The following TTN variants were observed in gnomAD, a reference collection of about 807,000 sequenced individuals.
TTN encodes the protein titin.
In TTN, 1,525 loss-of-function variants were observed where a neutral mutation model predicts 3,223.0. The ratio of observed to expected loss-of-function variants is 0.47; its 90% CI spans 0.45 to 0.49. The LOEUF is 0.49. Among genes scored for constraint, TTN ranks in the 20% least tolerant of loss-of-function variants. The probability of loss-of-function intolerance (pLI) is 0.00; values close to 1 mark genes in which losing one functional copy is unlikely to be tolerated. For missense variants in TTN, 40,786 were observed against 43,424.0 expected, an observed-to-expected ratio of 0.94 and a Z score of 5.40; for synonymous variants, 14,094 against 15,161.0, an observed-to-expected ratio of 0.93 and a Z score of 5.17.
At chr2:178,749,389 C>A (rs759739112) in intron 47 of TTN, 5 of 1,613,084 alleles carry the variant, frequency 3.1e-6, no homozygotes, top group Admixed American at 1.7e-5. Flanking sequence ...AAGCACCATG[C>A]ACAAATCTGG....
At chr2:178,549,543 T>A in intron 338 of TTN, 27 bp downstream of exon 338, 1 of 1,603,486 alleles carries the variant, frequency 6.2e-7, no homozygotes, top group Non-Finnish European at 8.5e-7. Flanking sequence ...TTTGACATAG[T>A]ACCGCTTAGT....
In TTN at chr2:178,802,173, C is replaced by A; in HGVS notation, c.260G>T (p.Gly87Val). The A allele has an allele frequency of 1.2e-6, 2 of 1,614,096 alleles. No individual in the cohort carries two copies. The highest frequency in any genetic ancestry group is 1.7e-6 in the Non-Finnish European group (2 of 1,179,944). ...AAGCTCAGCAGTACTAGTCGCTTGT[C>A]CAGATCCATTGGTGGCTTTCAGGGA... The part of the protein sequence containing the change: ...RYSLKATNGS[G>V]QATSTAELLV... The change falls in exon 3 of 363, where the codon GGA becomes GTA. Residue 87 changes from glycine to valine, a missense_variant. Physicochemically the swap from Gly to Val is moderately radical, Grantham distance 109. Coordinates refer to ENST00000589042, the MANE Select transcript of TTN (RefSeq NM_001267550.2).
At position 178,587,109 on chromosome 2, in the gene TTN, A is replaced by G. The variant is rs750120832; in HGVS notation, c.64093+9T>C. 6.2e-7 allele frequency: 1 copy of G among 1,613,046 alleles called. No homozygotes were observed. Among genetic ancestry groups the G allele is most frequent in the Admixed American group, 1.7e-5 (1 of 59,980 alleles). On this transcript the variant is annotated intron_variant, in intron 307 of 362. Coordinates refer to ENST00000589042, the MANE Select transcript of TTN (RefSeq NM_001267550.2). The stretch of plus-strand genomic sequence containing the variant: ...GGGGTTAAAAGGAGGAAGAAAGCAT[A>G]ATACTTACTTAGAGGATCTGATGCA...
Position 178,800,474 on chromosome 2 carries a change from A to G in TTN, c.504T>C (p.Pro168=). 1 of 1,614,144 alleles carries G rather than the reference A, an allele frequency of 6.2e-7. No homozygotes were observed. Among genetic ancestry groups the G allele is most frequent in the Non-Finnish European group, 8.5e-7 (1 of 1,180,008 alleles). The change falls in exon 4 of 363, where the codon CCT becomes CCC. Residue 168 remains proline, a synonymous_variant. Coordinates refer to ENST00000589042, the MANE Select transcript of TTN (RefSeq NM_001267550.2). Reference sequence around the variant, plus strand: ...TTACTGAATAGGTCCCTGAGTCCTCAGGGTATGCTTCTGCAATCAGTAAGC... The same window carrying G: ...TTACTGAATAGGTCCCTGAGTCCTCGGGGTATGCTTCTGCAATCAGTAAGC... ...LYSLLIAEAY[P]EDSGTYSVNA...
chr2:178,700,024 A>T (rs1269849473), intron 111 of TTN, among the ~76,000 whole-genome samples: 1 of 152,130 alleles, frequency 6.6e-6, no homozygotes, highest in Non-Finnish European at 1.5e-5. Flanking sequence ...CTCTTTTTTA[A>T]TTTTTAAAAC....
In TTN at chr2:178,549,092, G is replaced by A. The variant is rs776489830; in HGVS notation, c.92534C>T (p.Pro30845Leu). ...TATTTCCATGCCACCATCAAACACTGGTTTGGACCATTCTAAGCTCACAGT... is the reference window on the plus strand; with the variant it reads ...TATTTCCATGCCACCATCAAACACTAGTTTGGACCATTCTAAGCTCACAGT... ...KTTVSLEWSKPVFDGGMEIIG... is the reference protein window; with the variant it reads ...KTTVSLEWSKLVFDGGMEIIG... The change falls in exon 339 of 363, where the codon CCA becomes CTA. Residue 30845 changes from proline (P) to leucine (L), a missense_variant. Pro to Leu is a moderately conservative substitution (Grantham distance 98). Coordinates refer to ENST00000589042, the MANE Select transcript of TTN (RefSeq NM_001267550.2). The A allele has an allele frequency of 3.1e-6, 5 of 1,613,738 alleles. No homozygotes were observed. The highest frequency in any genetic ancestry group is 4.2e-6 in the Non-Finnish European group (5 of 1,179,842).
At chr2:178,617,646 T>G (rs1386031731) in intron 253 of TTN, 133 bp downstream of exon 253, 6 of 1,417,116 alleles carry the variant, frequency 4.2e-6, no homozygotes, top group African/African-American at 1.5e-5. Context: ...CAGTCTGGGT[T>G]TCTAAAACTT....
chr2:178,576,268 T>C lies in TTN; in HGVS notation c.69864A>G (p.Ile23288Met), dbSNP rs368867993. Residue 23288 changes from isoleucine (I) to methionine (M), a missense_variant, in exon 326 of 363, where the codon ATA (isoleucine) becomes ATG (methionine). By Grantham distance (10) the Ile-to-Met change is conservative. Transcript: ENST00000589042. The surrounding 1 kb of genome is among the most constrained non-coding windows in gnomAD (Gnocchi z 4.3). ...TGAGGGCGGTTCCTGTGGTATCTTT[T>C]ATCCAGGCCTCGTCTCCTACTTTTT... is the stretch of plus-strand genomic sequence containing the variant. ...EHQKVGDEAW[I>M]KDTTGTALRI... The C allele has an allele frequency of 1.0e-4, 161 of 1,609,282 alleles. No homozygotes were observed. Among genetic ancestry groups the C allele is most frequent in the Middle Eastern group, 8.3e-4 (5 of 6,026 alleles).
Position 178,575,348 on chromosome 2 carries a change from A to G in TTN, c.70784T>C (p.Leu23595Pro), listed in dbSNP as rs886055249. 5 of 1,613,446 alleles carry G rather than the reference A, an allele frequency of 3.1e-6. No homozygotes were observed. The highest frequency in any genetic ancestry group is 4.2e-6 in the Non-Finnish European group (5 of 1,179,674). ...GAAGGTATATTCCTCTCCTTCAGTT[A>G]GATTCCTCACAACACATTCTAACCC... ...VKGLECVVRN[L>P]TEGEEYTFQV... is the part of the protein sequence containing the mutation. The change falls in exon 326 of 363, where the codon CTA becomes CCA. Residue 23595 changes from leucine (L) to proline (P), a missense_variant. Physicochemically the swap from Leu to Pro is moderately conservative, Grantham distance 98. Transcript: ENST00000589042. This position sits in a 1 kb window ranked among gnomAD's most constrained non-coding sequence, Gnocchi z 4.0.
chr2:178,784,444 T>C, intron 15 of TTN, 93 bp from the exon 16 acceptor site: 2 of 1,498,786 alleles, frequency 1.3e-6, no homozygotes, highest in Non-Finnish European at 1.8e-6. Flanking sequence ...TTCTATAAGG[T>C]CTGTTCTTTA....
chr2:178,546,604 T>A lies in TTN; in HGVS notation c.94824A>T (p.Glu31608Asp). The change falls in exon 341 of 363, where the codon GAA becomes GAT. Residue 31608 changes from glutamate (E) to aspartate (D), a missense_variant. Transcript: ENST00000589042. ...ESTGPVTCRD[E>D]YAPPKAELDA... Reference sequence around the variant, plus strand: ...AGAATGTTGACTATTTCCTACCGTATTCATCTCGGCAAGTGACAGGGCCTG... The same window carrying A: ...AGAATGTTGACTATTTCCTACCGTAATCATCTCGGCAAGTGACAGGGCCTG... 1 of 1,608,210 alleles carries A rather than the reference T, an allele frequency of 6.2e-7. No individual in the cohort carries two copies.
chr2:178,685,644 A>T, intron 127 of TTN, 46 bp from the exon 128 acceptor site: 1 of 1,577,134 alleles, frequency 6.3e-7, no homozygotes, highest in Non-Finnish European at 8.7e-7. Flanking sequence ...AGTGTTTTTC[A>T]TGTTTATTTT....
At chr2:178,747,433 G>A in intron 47 of TTN, 1 of 1,613,248 alleles carries the variant, frequency 6.2e-7, no homozygotes, top group Non-Finnish European at 8.5e-7. Context: ...ATGATGGTGG[G>A]GTATAAAACT....
chr2:178,591,378 C>T lies in TTN; in HGVS notation c.60347G>A (p.Gly20116Glu). Reference sequence around the variant, plus strand: ...GTGCTCATCGGTTTTAATCTCACTCCCATCGGTTGTCCACTTTGCAGTAGG... The same window carrying T: ...GTGCTCATCGGTTTTAATCTCACTCTCATCGGTTGTCCACTTTGCAGTAGG... ...PVPTAKWTTDGSEIKTDEHYT... is the reference protein window; with the variant it reads ...PVPTAKWTTDESEIKTDEHYT... Residue 20116 changes from glycine to glutamate, a missense_variant, in exon 304 of 363, where the codon GGG becomes GAG. Coordinates refer to ENST00000589042, the MANE Select transcript of TTN (RefSeq NM_001267550.2). 1.2e-6 allele frequency: 2 copies of T among 1,613,180 alleles called. No individual in the cohort carries two copies. Among genetic ancestry groups the T allele is most frequent in the East Asian group, 2.2e-5 (1 of 44,818 alleles).
rs368527534 is a variant in TTN at position 178,614,664 on chromosome 2, C to T, written c.48850G>A (p.Gly16284Arg). ...CAAGTTATTTTAGGTTCAGGTTTTC[C>T]GGTTACGGTGGCAGGAAGTTCAATC... ...TKIELPATVT[G>R]KPEPKITWTK... Residue 16284 changes from glycine to arginine, a missense_variant, in exon 261 of 363, where the codon GGA becomes AGA. Coordinates refer to ENST00000589042, the MANE Select transcript of TTN (RefSeq NM_001267550.2). The T allele has an allele frequency of 4.0e-5, 65 of 1,612,238 alleles. 1 individual carries two copies. The highest frequency in any genetic ancestry group is 1.2e-4 in the South Asian group (11 of 91,030).
chr2:178,626,150 T>G (rs2059013103), intron 240 of TTN, among the ~76,000 whole-genome samples: 1 of 152,014 alleles, frequency 6.6e-6, no homozygotes, highest in African/African-American at 2.4e-5. Context: ...ATGTTCTGTA[T>G]GTAAGGTGTT....
rs774609456 is a variant in TTN, at chr2:178,585,333, G to A, written c.64411C>T (p.Leu21471Phe). The change falls in exon 309 of 363, where the codon CTT becomes TTT. Residue 21471 changes from leucine (L) to phenylalanine (F), a missense_variant. Leu to Phe is a conservative substitution (Grantham distance 22). Coordinates refer to ENST00000589042, the MANE Select transcript of TTN (RefSeq NM_001267550.2). The part of the protein sequence containing the change: ...AKEQLLPPKI[L>F]MPEQITIKAG... ...TTGATAGTTATTTGCTCTGGCATAA[G>A]GATCTTTGGTGGCACTGAAAGTAAA... The A allele has an allele frequency of 8.2e-6, 13 of 1,582,262 alleles. No individual in the cohort carries two copies. In the Admixed American group the frequency reaches 2.4e-4, roughly 30 times the overall value.
rs764632613 is a variant in TTN at position 178,579,914 on chromosome 2, A to G, written c.67348+25T>C. Reference sequence around the variant, plus strand: ...CAAAGGAAGGATATAACTCAAAATGATGGGATGATGGTTCATTTGCTTACG... The same window carrying G: ...CAAAGGAAGGATATAACTCAAAATGGTGGGATGATGGTTCATTTGCTTACG... On this transcript the variant is annotated intron_variant, in intron 318 of 362. Transcript: ENST00000589042. 1.9e-6 allele frequency: 3 copies of G among 1,612,522 alleles called. No individual in the cohort carries two copies. The Admixed American group carries it at 5.0e-5, about 27-fold the overall frequency.
At position 178,620,406 on chromosome 2, in the gene TTN, A is replaced by G; in HGVS notation, c.46115T>C (p.Ile15372Thr). The G allele has an allele frequency of 6.2e-7, 1 of 1,612,238 alleles. No individual in the cohort carries two copies. Among genetic ancestry groups the G allele is most frequent in the Admixed American group, 1.7e-5 (1 of 59,876 alleles). Reference protein sequence around the residue: ...DCGFPDEGEYIVTAGQDKSVA... With the variant: ...DCGFPDEGEYTVTAGQDKSVA... ...AGATTTATCTTGTCCAGCAGTGACA[A>G]TGTATTCACCTTCATCTGGGAAGCC... The change falls in exon 248 of 363, where the codon ATT becomes ACT. Residue 15372 changes from isoleucine (I) to threonine (T), a missense_variant. Coordinates refer to ENST00000589042, the MANE Select transcript of TTN (RefSeq NM_001267550.2).
Sources: allele counts gnomAD v4.1 joint callset (sites outside exome capture counted in the v4.1 genomes callset), GRCh38; gene constraint gnomAD v4.1.1; non-coding constraint Gnocchi (gnomAD v3.1); transcripts MANE v1.5; gene names NCBI Gene and HGNC (gene_info 2026-07-23, HGNC 2026-07-21).